EYA1: variants seen among roughly 807,000 people sequenced by gnomAD.
EYA1 encodes the protein protein phosphatase EYA1.
A neutral mutation model predicts 82.0 loss-of-function variants in EYA1; 16 were observed. That is an observed-to-expected ratio of 0.20 (90% confidence interval 0.13 to 0.30). The LOEUF (loss-of-function observed/expected upper bound fraction) is 0.30. EYA1 is among the 10% of genes least tolerant of loss of function. The probability of loss-of-function intolerance (pLI) is 1.00; values close to 1 mark genes in which losing one functional copy is unlikely to be tolerated. For missense variants in EYA1, 633 were observed against 730.7 expected (o/e 0.87, Z 1.54); for synonymous variants, 261 against 264.4 (o/e 0.99, Z 0.12).
At chr8:71,366,014 T>C (rs1827730869), upstream of EYA1, among the ~76,000 whole-genome samples, 1 of 152,220 alleles carries the variant, frequency 6.6e-6, no homozygotes, top group Non-Finnish European at 1.5e-5. Context: ...ACAGTCTTTA[T>C]ATCAACACAA....
At chr8:71,250,013 A>G (rs1239988852) in intron 11 of EYA1, among the ~76,000 whole-genome samples, 1 of 149,304 alleles carries the variant, frequency 6.7e-6, no homozygotes, top group Non-Finnish European at 1.5e-5. Flanking sequence ...CCTTATTGTC[A>G]TTGCCATTGT....
chr8:71,267,125 T>G (rs189504296), intron 11 of EYA1, among the ~76,000 whole-genome samples: 5 of 152,272 alleles, frequency 3.3e-5, no homozygotes, highest in Admixed American at 2.6e-4. Context: ...TCTTCTCATC[T>G]CCTCCATTGT....
intron 3 of EYA1, among the ~76,000 whole-genome samples, chr8:71,348,188 T>G (rs1163152609): frequency 6.6e-6 from 1 of 152,162 alleles, no homozygotes; most frequent in Non-Finnish European, 1.5e-5. Flanking sequence ...CTCTTGACCC[T>G]TACTCCAAGT....
chr8:71,320,405 C>A (rs1822407051), intron 6 of EYA1, among the ~76,000 whole-genome samples: 1 of 152,112 alleles, frequency 6.6e-6, no homozygotes, highest in South Asian at 2.1e-4. Flanking sequence ...TCAAAGACTG[C>A]CTTGACTTCT....
chr8:71,421,850 A>G (rs1831165481), intron 2 of EYA1, among the ~76,000 whole-genome samples: 1 of 152,184 alleles, frequency 6.6e-6, no homozygotes, highest in Non-Finnish European at 1.5e-5. Context: ...CAAAATGAAC[A>G]ATGTAGTGTG....
chr8:71,529,888 A>T (rs1814130409), intron 2 of EYA1: 1 of 152,216 alleles, frequency 6.6e-6, no homozygotes, highest in Non-Finnish European at 1.5e-5. Context: ...ATGCCAGCTC[A>T]TGGTAAGTTC....
chr8:71,442,099 T>C (rs942980129), intron 2 of EYA1, among the ~76,000 whole-genome samples: 1 of 152,230 alleles, frequency 6.6e-6, no homozygotes, highest in Non-Finnish European at 1.5e-5. Context: ...TTTGTTATAA[T>C]AGTCTAAGAA....
intron 2 of EYA1, among the ~76,000 whole-genome samples, chr8:71,449,713 A>G (rs1807201077): frequency 6.6e-6 from 1 of 152,196 alleles, no homozygotes; most frequent in Non-Finnish European, 1.5e-5. Context: ...TGACCTTTGA[A>G]GCTTTGAAAC....
At chr8:71,483,720 G>A (rs1241022195) in intron 2 of EYA1, among the ~76,000 whole-genome samples, 3 of 152,044 alleles carry the variant, frequency 2.0e-5, no homozygotes, top group Admixed American at 2.0e-4. Context: ...AGAATAGAAG[G>A]CAAGAATTGA....
At chr8:71,265,546 CA>C (rs1216765989) in intron 11 of EYA1, among the ~76,000 whole-genome samples, 18 of 152,198 alleles carry the variant, frequency 1.2e-4, no homozygotes, top group Non-Finnish European at 2.6e-4. Context: ...TTGAAACAAT[CA>C]AGGCGTTGAG....
rs143078471 is a variant in EYA1 at position 71,448,151 on chromosome 8, C to T, written c.33+87593G>A. Among the ~76,000 whole-genome samples, 736 of 152,036 alleles carry T rather than the reference C, an allele frequency of 4.8e-3. 4 individuals carry two copies. The highest frequency in any genetic ancestry group is 7.5e-3 in the Non-Finnish European group (509 of 67,992). Reference sequence around the variant, plus strand: ...CAGCTGGTACTACAGGCACATGCTACCATGCCTGGCTAATTTTTTGTATTT... The same window carrying T: ...CAGCTGGTACTACAGGCACATGCTATCATGCCTGGCTAATTTTTTGTATTT... On this transcript the variant is annotated intron_variant, in intron 2 of 18. Coordinates refer to the EYA1 transcript ENST00000643681.
chr8:71,458,528 G>A (rs1040740220), intron 2 of EYA1, among the ~76,000 whole-genome samples: 1 of 151,472 alleles, frequency 6.6e-6, no homozygotes, highest in African/African-American at 2.4e-5. Context: ...AAATACTACC[G>A]AAAAGCCTAC....
chr8:71,463,607 CTCTCTCTCTCTCTCTCTCTCTCTCT>C (rs1808544048), intron 2 of EYA1, among the ~76,000 whole-genome samples: 1 of 137,772 alleles, frequency 7.3e-6, no homozygotes, highest in African/African-American at 2.8e-5. Context: ...CTCTCTCTCT[CTCTCTCTCTCTCTCTCTCTCTCTCT>C]CCCTCCCTCC....
rs1050966748 is a variant in EYA1 at position 71,211,103 on chromosome 8, A to C, written c.1698+53T>G. ...GTTTAAATGATCCAGTTATGAGAAT[A>C]CTGAGGACTGAAAAAACAAATGAGA... On this transcript the variant is annotated intron_variant, in intron 17 of 17. Coordinates refer to ENST00000340726, the MANE Select transcript of EYA1 (RefSeq NM_000503.6). The C allele has an allele frequency of 1.4e-4, 154 of 1,086,254 alleles. 1 individual carries two copies. The African/African-American group carries it at 1.9e-3, about 14-fold the overall frequency. 67.3% of individuals were successfully genotyped at this position (1,086,254 alleles called of 1,614,324 possible).
Position 71,199,203 on chromosome 8 carries a change from G to A in EYA1, c.*137C>T. 1 of 707,596 alleles carries A rather than the reference G, an allele frequency of 1.4e-6. No homozygotes were observed. The allele number at this position is 707,596 out of a possible 1,614,324, so 43.8% of individuals were successfully genotyped here. On this transcript the variant is annotated 3_prime_UTR_variant, in exon 18 of 18. Transcript: ENST00000340726. ...TCCTCCATTCACCACAAAGGCAGAG[G>A]TCAAGACTGACAGCAACTGCGCATC...
intron 7 of EYA1, among the ~76,000 whole-genome samples, chr8:71,309,040 T>C (rs1821044349): frequency 6.6e-6 from 1 of 152,216 alleles, no homozygotes; most frequent in Admixed American, 6.5e-5. Context: ...AGATGGGCTA[T>C]TTAAAACCAG....
At chr8:71,273,414 T>G (rs1310232499) in intron 9 of EYA1, among the ~76,000 whole-genome samples, 1 of 152,218 alleles carries the variant, frequency 6.6e-6, no homozygotes, top group Non-Finnish European at 1.5e-5. Flanking sequence ...TTAATCATTC[T>G]CTAAATCTAC....
chr8:71,435,398 C>A (rs986133095), intron 2 of EYA1, among the ~76,000 whole-genome samples: 1 of 151,848 alleles, frequency 6.6e-6, no homozygotes, highest in Non-Finnish European at 1.5e-5. Context: ...TAAATTGATT[C>A]ATATATAAAT....
At chr8:71,318,123 T>C (rs1210590554) in intron 6 of EYA1, among the ~76,000 whole-genome samples, 1 of 152,202 alleles carries the variant, frequency 6.6e-6, no homozygotes, top group African/African-American at 2.4e-5. Flanking sequence ...AAAATATTAA[T>C]TAGATCCTAT....
Sources: gnomAD v4.1 joint callset for allele counts (sites outside exome capture counted in the v4.1 genomes callset) on GRCh38, gnomAD v4.1.1 for gene constraint, MANE v1.5 for transcripts, NCBI Gene and HGNC (gene_info 2026-07-23, HGNC 2026-07-21) for gene names.